KCNN2: variants seen among roughly 807,000 people sequenced by gnomAD.
KCNN2 encodes potassium calcium-activated channel subfamily N member 2.
In KCNN2, 24 loss-of-function variants were observed where a neutral mutation model predicts 55.5. That is an observed-to-expected ratio of 0.43 (90% CI 0.31 to 0.61). KCNN2 has a LOEUF of 0.61. Among genes scored for constraint, KCNN2 ranks in the 20% least tolerant of loss-of-function variants. KCNN2 has a pLI of 0.08. For synonymous variants in KCNN2, 431 were observed against 336.1 expected (o/e 1.28, Z -3.09); for missense variants, 754 against 853.6 (o/e 0.88, Z 1.45).
At chr5:114,154,727 C>G (rs1360842631) in intron 1 of KCNN2, among the ~76,000 whole-genome samples, 2 of 152,090 alleles carry the variant, frequency 1.3e-5, no homozygotes, top group Non-Finnish European at 2.9e-5. Context: ...CATCTCTACT[C>G]TCTGGCCCTC....
chr5:114,244,701 C>A (rs1374514091), intron 2 of KCNN2, among the ~76,000 whole-genome samples: 1 of 152,076 alleles, frequency 6.6e-6, no homozygotes, highest in Non-Finnish European at 1.5e-5. Context: ...AGACAGTAGT[C>A]CATCTGTGTT....
rs528688275 is a variant in KCNN2, at chr5:114,426,121, C to T, written c.1637+21265C>T. Among the ~76,000 whole-genome samples the T allele has an allele frequency of 2.0e-5, 3 of 151,928 alleles. No individual in the cohort carries two copies. The South Asian group carries it at 6.2e-4, about 32-fold the overall frequency. On this transcript the variant is annotated intron_variant, in intron 3 of 7. Transcript: ENST00000673685. ...TGCTTGGCCCAGGACATTGAGATTGCAGTAAGCCAAGATCATGCCACTGCC... is the reference window on the plus strand; with the variant it reads ...TGCTTGGCCCAGGACATTGAGATTGTAGTAAGCCAAGATCATGCCACTGCC...
intron 3 of KCNN2, among the ~76,000 whole-genome samples, chr5:114,413,062 G>A (rs1759185526): frequency 1.3e-5 from 2 of 152,108 alleles, no homozygotes; most frequent in South Asian, 4.1e-4. Context: ...GCTCATAAAT[G>A]AGTCACAACT....
intron 2 of KCNN2, among the ~76,000 whole-genome samples, chr5:114,389,309 C>G (rs1157843110): frequency 6.6e-6 from 1 of 152,146 alleles, no homozygotes; most frequent in Non-Finnish European, 1.5e-5. Context: ...GGCATTGTCT[C>G]TGTGTCCTTC....
chr5:114,179,141 C>T (rs1753189771), intron 1 of KCNN2, among the ~76,000 whole-genome samples: 1 of 152,176 alleles, frequency 6.6e-6, no homozygotes, highest in African/African-American at 2.4e-5. Flanking sequence ...TCTCACAGTT[C>T]TTGATGGTCA....
intron 2 of KCNN2, among the ~76,000 whole-genome samples, chr5:114,381,402 G>C (rs1025835150): frequency 6.6e-6 from 1 of 152,140 alleles, no homozygotes; most frequent in Non-Finnish European, 1.5e-5. Flanking sequence ...TTGGTTGAAA[G>C]AAATACAAAA....
At chr5:114,373,547 T>C (rs1757827594) in intron 2 of KCNN2, among the ~76,000 whole-genome samples, 1 of 148,496 alleles carries the variant, frequency 6.7e-6, no homozygotes, top group Non-Finnish European at 1.5e-5. Flanking sequence ...TGTGTGACCT[T>C]GGACAGGTTA....
chr5:114,470,888 T>TG (rs1421634379), intron 4 of KCNN2, among the ~76,000 whole-genome samples: 1 of 152,190 alleles, frequency 6.6e-6, no homozygotes, highest in Non-Finnish European at 1.5e-5. Context: ...GTTTTATCCC[T>TG]GGAGATGAAG....
chr5:114,212,680 A>G (rs1753912843), intron 1 of KCNN2, among the ~76,000 whole-genome samples: 1 of 152,076 alleles, frequency 6.6e-6, no homozygotes, highest in Admixed American at 6.6e-5. Context: ...GCTTCTGAAG[A>G]CCAAAATGAC....
rs1561537289 is a variant in KCNN2, at chr5:114,241,820, GTGTGTATA to G, written c.-185+20257_-185+20264del. On this transcript the variant is annotated intron_variant, in intron 2 of 10. Coordinates refer to the KCNN2 transcript ENST00000512097. ...TATATATATACGTATATATATATAT[GTGTGTATA>G]TATATATATATATATATGGAGTGTG... Among the ~76,000 whole-genome samples, 4 of 5,618 alleles carry G rather than the reference GTGTGTATA, an allele frequency of 7.1e-4. 2 individuals carry two copies. Among genetic ancestry groups the G allele is most frequent in the Non-Finnish European group, 2.8e-3 (4 of 1,438 alleles). The allele number at this position is 5,618 out of a possible 152,430, so 3.7% of individuals were successfully genotyped here. A position where few individuals can be genotyped will look rare whatever the true frequency, so the allele number is the denominator to read the frequency against.
Position 114,294,252 on chromosome 5 carries a change from T to C in KCNN2, c.-184-66693T>C, listed in dbSNP as rs1429226145. On this transcript the variant is annotated intron_variant, in intron 2 of 10. Transcript: ENST00000512097. ...TCTGCTAGTTTTTGAATGTGTTTGC[T>C]CTTGCTTTTCTAGTTCTTTTAATTG... 2.6e-5 allele frequency among the ~76,000 whole-genome samples: 4 copies of C among 152,172 alleles called. No individual in the cohort carries two copies. In the East Asian group the frequency reaches 5.8e-4, roughly 22 times the overall value.
intron 1 of KCNN2, among the ~76,000 whole-genome samples, chr5:114,158,041 C>T (rs1427595297): frequency 6.6e-6 from 1 of 152,204 alleles, no homozygotes; most frequent in East Asian, 1.9e-4. Context: ...GCTTTCGTTG[C>T]CTTTGCTTTT....
chr5:114,380,991 G>T (rs78201643), intron 2 of KCNN2, among the ~76,000 whole-genome samples: 1 of 152,118 alleles, frequency 6.6e-6, no homozygotes, highest in Admixed American at 6.5e-5. Context: ...CATCTTGTGC[G>T]TCATGGCCAT....
intron 5 of KCNN2, among the ~76,000 whole-genome samples, chr5:114,484,785 G>GAATT (rs1445831996): frequency 6.6e-6 from 1 of 152,160 alleles, no homozygotes; most frequent in East Asian, 1.9e-4. Flanking sequence ...ACCTATTAGG[G>GAATT]AATTAGAAAG....
At chr5:114,116,498 A>G (rs1751710711) in intron 1 of KCNN2, among the ~76,000 whole-genome samples, 1 of 152,102 alleles carries the variant, frequency 6.6e-6, no homozygotes, top group Admixed American at 6.5e-5. Flanking sequence ...CCTCATGTAT[A>G]TAGTATATGT....
upstream of KCNN2, chr5:114,360,816 G>C (rs557780701): frequency 6.6e-6 from 1 of 152,282 alleles, no homozygotes; most frequent in Non-Finnish European, 1.5e-5. Context: ...TCCCTGCCAG[G>C]CTGCGACTAC....
At chr5:114,136,824 C>G (rs1048391950) in intron 1 of KCNN2, among the ~76,000 whole-genome samples, 1 of 152,018 alleles carries the variant, frequency 6.6e-6, no homozygotes, top group Non-Finnish European at 1.5e-5. Flanking sequence ...TAAGTGAGAA[C>G]CTTAAATAAG....
At position 114,108,019 on chromosome 5, in the gene KCNN2, A is replaced by G. The variant is rs1444426533; in HGVS notation, c.-271+51519A>G. ...TTAACTTTGGTAGATAGGATATCTA[A>G]TGTCCTTGCTAAAGATTAATTTGTA... On this transcript the variant is annotated intron_variant, in intron 1 of 10. Transcript: ENST00000512097. Among the ~76,000 whole-genome samples the G allele has an allele frequency of 4.3e-4, 65 of 152,066 alleles. 2 individuals are homozygous for G. Among genetic ancestry groups the G allele is most frequent in the Admixed American group, 4.2e-3 (64 of 15,242 alleles).
At chr5:114,385,672 C>G (rs1464558973) in intron 2 of KCNN2, among the ~76,000 whole-genome samples, 2 of 152,054 alleles carry the variant, frequency 1.3e-5, no homozygotes, top group Non-Finnish European at 2.9e-5. Flanking sequence ...CCTTTGGGCT[C>G]AGCACAGGTC....
Sources: gnomAD v4.1 joint callset for allele counts (sites outside exome capture counted in the v4.1 genomes callset) on GRCh38, gnomAD v4.1.1 for gene constraint, MANE v1.5 for transcripts, NCBI Gene and HGNC (gene_info 2026-07-23, HGNC 2026-07-21) for gene names.